The following TENM1 variants were observed in gnomAD, a reference collection of about 807,000 sequenced individuals.
TENM1 encodes the protein teneurin-1.
In TENM1, 35 loss-of-function variants were observed where a neutral mutation model predicts 174.8. The observed-to-expected ratio is 0.20, with a 90% CI of 0.15 to 0.27. TENM1 has a LOEUF of 0.27. Ranked by LOEUF, TENM1 falls within the 10% of genes least tolerant of loss-of-function variation. The pLI is 1.00. For missense variants in TENM1, 1,633 were observed against 2,130.1 expected (o/e 0.77, Z 4.59); for synonymous variants, 781 against 798.7 (o/e 0.98, Z 0.37).
chrX:124,845,628 G>T (rs2056591957), intron 3 of TENM1, among the ~76,000 whole-genome samples: 1 of 111,532 alleles, frequency 9.0e-6, no homozygotes, highest in Admixed American at 9.6e-5. Context: ...GACGTACATT[G>T]CCTTGAATGC....
the TENM1 span, among the ~76,000 whole-genome samples, chrX:125,177,959 C>G: frequency 9.0e-6 from 1 of 111,642 alleles, no homozygotes; most frequent in Admixed American, 9.5e-5. Flanking sequence ...AGGAATGCAT[C>G]TTATTTTCCT....
At chrX:124,732,207 T>C (rs973315320) in intron 4 of TENM1, among the ~76,000 whole-genome samples, 2 of 112,284 alleles carry the variant, frequency 1.8e-5, no homozygotes, top group Non-Finnish European at 3.8e-5. Flanking sequence ...AAAACGTGGT[T>C]TAGCTTCAGA....
chrX:124,482,488 A>C (rs1192758368), intron 21 of TENM1, among the ~76,000 whole-genome samples: 1 of 111,379 alleles, frequency 9.0e-6, no homozygotes, highest in Non-Finnish European at 1.9e-5. Flanking sequence ...TCGCTAAGGG[A>C]GGATCATGCT....
chrX:124,618,821 C>CTG (rs1390741499), intron 11 of TENM1, among the ~76,000 whole-genome samples: 1 of 112,451 alleles, frequency 8.9e-6, no homozygotes, highest in Non-Finnish European at 1.9e-5. Context: ...TGGCTCATGC[C>CTG]TGTAATCCCA....
At chrX:125,091,241 A>G in the TENM1 span, among the ~76,000 whole-genome samples, 1 of 111,882 alleles carries the variant, frequency 8.9e-6, no homozygotes, top group Admixed American at 9.5e-5. Flanking sequence ...AAGCTTGATA[A>G]CATTTTAAAG....
chrX:125,183,122 TG>T, the TENM1 span, among the ~76,000 whole-genome samples: 1 of 112,399 alleles, frequency 8.9e-6, no homozygotes, highest in African/African-American at 3.2e-5. Context: ...CTCATTCTTT[TG>T]GTTTCATCAG....
At chrX:125,172,328 C>CA in the TENM1 span, among the ~76,000 whole-genome samples, 5,440 of 109,940 alleles carry the variant, frequency 0.049, 368 homozygotes, top group African/African-American at 0.17. Flanking sequence ...CTCACCCCCC[C>CA]CCATTTTAAA....
chrX:124,816,510 T>C (rs893698324), intron 3 of TENM1, among the ~76,000 whole-genome samples: 1 of 111,971 alleles, frequency 8.9e-6, no homozygotes, highest in Non-Finnish European at 1.9e-5. Flanking sequence ...GAAAACACTT[T>C]AGTTTCTCTC....
chrX:125,041,200 T>C, the TENM1 span, among the ~76,000 whole-genome samples: 2 of 111,822 alleles, frequency 1.8e-5, no homozygotes. Flanking sequence ...TCCATAGTAT[T>C]GTTGTGTAGG....
At position 124,422,861 on chromosome X, in the gene TENM1, T is replaced by C. The variant is rs375231913; in HGVS notation, c.4105-223A>G. Reference sequence around the variant, plus strand: ...TGCCATTTACAATATAATGTAATTTTTTCCAATAATTTCAGAAGGATCATT... The same window carrying C: ...TGCCATTTACAATATAATGTAATTTCTTCCAATAATTTCAGAAGGATCATT... On this transcript the variant is annotated intron_variant, in intron 23 of 31. Coordinates refer to ENST00000422452, the Ensembl canonical transcript of TENM1. Among the ~76,000 whole-genome samples, 392 of 112,075 alleles carry C rather than the reference T, an allele frequency of 3.5e-3. 6 individuals are homozygous for C. In the South Asian group the frequency reaches 0.068, roughly 19 times the overall value.
chrX:125,097,500 C>A, the TENM1 span, among the ~76,000 whole-genome samples: 1 of 111,950 alleles, frequency 8.9e-6, no homozygotes, highest in South Asian at 3.7e-4. Context: ...TGTAAAGCAA[C>A]ACAAAGCATT....
exon 26 of TENM1, chrX:124,406,447 A>C (rs1376791392): frequency 1.7e-6 from 2 of 1,209,279 alleles, no homozygotes; most frequent in Non-Finnish European, 2.2e-6. Context: ...TGACCTCTCC[A>C]GTGGGAAACG....
At chrX:124,639,023 T>C (rs1170548809) in intron 11 of TENM1, among the ~76,000 whole-genome samples, 1 of 111,912 alleles carries the variant, frequency 8.9e-6, no homozygotes, top group Non-Finnish European at 1.9e-5. Flanking sequence ...ACATTGCACA[T>C]GTCTCTTAGT....
intron 4 of TENM1, among the ~76,000 whole-genome samples, chrX:124,727,328 A>G (rs2053464008): frequency 8.9e-6 from 1 of 112,321 alleles, no homozygotes; most frequent in Non-Finnish European, 1.9e-5. Context: ...ATCATTCTGA[A>G]AAAATAATTA....
At chrX:125,057,296 G>A in the TENM1 span, among the ~76,000 whole-genome samples, 1 of 110,271 alleles carries the variant, frequency 9.1e-6, no homozygotes, top group African/African-American at 3.3e-5. Flanking sequence ...GACCGGGGTG[G>A]GCAGGAGAGC....
chrX:124,792,694 T>TG (rs1251868702), intron 3 of TENM1, among the ~76,000 whole-genome samples: 3 of 112,275 alleles, frequency 2.7e-5, no homozygotes, highest in African/African-American at 9.7e-5. Flanking sequence ...ATCCCTAGGA[T>TG]GAAAAAAAAC....
chrX:124,827,432 G>C (rs765314017), intron 3 of TENM1, among the ~76,000 whole-genome samples: 6 of 112,140 alleles, frequency 5.4e-5, no homozygotes, highest in Non-Finnish European at 1.1e-4. Context: ...ATAAGGAAGT[G>C]TAAATACTGC....
At chrX:124,539,764 A>C (rs937338071) in intron 15 of TENM1, among the ~76,000 whole-genome samples, 5 of 111,520 alleles carry the variant, frequency 4.5e-5, no homozygotes, top group Non-Finnish European at 9.4e-5. Flanking sequence ...AAGGATGATG[A>C]AACTGTTTGC....
chrX:124,996,189 A>T, the TENM1 span, among the ~76,000 whole-genome samples: 1 of 111,130 alleles, frequency 9.0e-6, no homozygotes, highest in Non-Finnish European at 1.9e-5. Context: ...TAATCATCTA[A>T]TAGGTGCCTG....
Sources: allele counts gnomAD v4.1 joint callset (sites outside exome capture counted in the v4.1 genomes callset), GRCh38; gene constraint gnomAD v4.1.1; transcripts MANE v1.5; gene names NCBI Gene and HGNC (gene_info 2026-07-23, HGNC 2026-07-21).